Variants in IQCH observed in about 807,000 individuals in gnomAD.
The protein encoded by IQCH is IQ domain-containing protein H.
IQCH carries 98 observed loss-of-function variants against 117.0 expected under a neutral mutation model. That is an observed-to-expected ratio of 0.84 (90% CI 0.71 to 0.99). IQCH has a LOEUF of 0.99. Ranked by LOEUF, IQCH falls within the 50% of genes least tolerant of loss-of-function variation. IQCH has a pLI of 0.00. For missense variants in IQCH, 1,102 were observed against 1,243.8 expected (o/e 0.89, Z 1.72); for synonymous variants, 412 against 448.2 (o/e 0.92, Z 1.02).
intron 3 of IQCH, among the ~76,000 whole-genome samples, chr15:67,276,957 C>A (rs1477243650): frequency 6.6e-6 from 1 of 152,178 alleles, no homozygotes; most frequent in Non-Finnish European, 1.5e-5. Flanking sequence ...ATAAGTATGT[C>A]ACACTGTTTA....
chr15:67,277,389 A>G (rs565260073), intron 3 of IQCH, among the ~76,000 whole-genome samples: 2 of 152,242 alleles, frequency 1.3e-5, no homozygotes, highest in South Asian at 2.1e-4. Context: ...ATCGAAGCCT[A>G]GATACCATCA....
intron 1 of IQCH, chr15:67,255,343 A>C (rs1965113918): frequency 5.4e-6 from 1 of 183,808 alleles, no homozygotes; most frequent in African/African-American, 2.3e-5. Context: ...TTTGGAGACA[A>C]ATTGAAATAT....
intron 16 of IQCH, among the ~76,000 whole-genome samples, chr15:67,448,946 G>T (rs1421202046): frequency 3.9e-5 from 6 of 152,118 alleles, no homozygotes; most frequent in African/African-American, 1.4e-4. Flanking sequence ...TCTCATTGTG[G>T]TTTTCATTTG....
chr15:67,434,785 C>CT (rs775675138), intron 16 of IQCH, among the ~76,000 whole-genome samples: 2,258 of 126,794 alleles, frequency 0.018, 70 homozygotes, highest in African/African-American at 0.051. Context: ...CTTTTCTTTT[C>CT]TTTTTTTTTT....
chr15:67,361,704 T>C (rs923119123), intron 8 of IQCH, among the ~76,000 whole-genome samples: 1 of 152,228 alleles, frequency 6.6e-6, no homozygotes, highest in Non-Finnish European at 1.5e-5. Context: ...CTTTTCTATC[T>C]TATAGCTCAG....
At chr15:67,455,765 C>G (rs1596414694) in intron 16 of IQCH, among the ~76,000 whole-genome samples, 1 of 152,184 alleles carries the variant, frequency 6.6e-6, no homozygotes, top group Non-Finnish European at 1.5e-5. Context: ...CTAAGAGAAT[C>G]CTTCACCAGC....
At chr15:67,305,630 A>G (rs569668403) in intron 4 of IQCH, among the ~76,000 whole-genome samples, 14 of 152,218 alleles carry the variant, frequency 9.2e-5, no homozygotes, top group Non-Finnish European at 1.8e-4. Context: ...TTCCTCTTCC[A>G]TCTAGAATTA....
chr15:67,442,853 TAGATAG>T (rs1430670298), intron 16 of IQCH, among the ~76,000 whole-genome samples: 49 of 144,078 alleles, frequency 3.4e-4, no homozygotes, highest in African/African-American at 1.3e-3. Context: ...GATAGATAGA[TAGATAG>T]ATAGATATAC....
chr15:67,372,481 A>C lies in IQCH; in HGVS notation c.1124A>C (p.Lys375Thr), dbSNP rs557688548. Reference sequence around the variant, plus strand: ...GATGGAAATTCGGAGGCCGCCATGAAGATCCAAGCCACATGGAAATGCTAC... The same window carrying C: ...GATGGAAATTCGGAGGCCGCCATGACGATCCAAGCCACATGGAAATGCTAC... ...GQDGNSEAAM[K>T]IQATWKCYKA... Residue 375 changes from lysine to threonine, a missense_variant, in exon 9 of 21, where the codon AAG becomes ACG. Lys to Thr is a moderately conservative substitution (Grantham distance 78, BLOSUM62 -1). Transcript: ENST00000335894. The C allele has an allele frequency of 1.2e-6, 2 of 1,614,072 alleles. No individual in the cohort carries two copies. Among genetic ancestry groups the C allele is most frequent in the East Asian group, 2.2e-5 (1 of 44,870 alleles).
chr15:67,256,532 C>A (rs575353821), intron 1 of IQCH, among the ~76,000 whole-genome samples: 1 of 152,222 alleles, frequency 6.6e-6, no homozygotes, highest in African/African-American at 2.4e-5. Context: ...GACAAAGACA[C>A]TTCTATCAGG....
intron 16 of IQCH, among the ~76,000 whole-genome samples, chr15:67,437,279 A>G (rs2082161951): frequency 6.6e-6 from 1 of 152,192 alleles, no homozygotes; most frequent in Non-Finnish European, 1.5e-5. Context: ...GGTAGACTTG[A>G]TGGGTGGCTA....
intron 8 of IQCH, among the ~76,000 whole-genome samples, chr15:67,362,318 A>T (rs1368974040): frequency 1.3e-5 from 2 of 152,180 alleles, no homozygotes; most frequent in Non-Finnish European, 2.9e-5. Context: ...CAAATTGAAG[A>T]AAAATATAAA....
In IQCH at chr15:67,373,348, T is replaced by C; in HGVS notation, c.1306-19T>C. The C allele has an allele frequency of 6.3e-7, 1 of 1,590,130 alleles. No homozygotes were observed. ...ACTACAGCTTCCTGTCACTGATCAA[T>C]GCTCTTCTTGATTTTTAGCATCTGG... On this transcript the variant is annotated intron_variant, in intron 9 of 20. Coordinates refer to ENST00000335894, the MANE Select transcript of IQCH (RefSeq NM_001031715.3).
At position 67,413,766 on chromosome 15, in the gene IQCH, C is replaced by T. The variant is rs375244972; in HGVS notation, c.2098-3165C>T. 1.3e-3 allele frequency among the ~76,000 whole-genome samples: 197 copies of T among 152,272 alleles called. No homozygotes were observed. Among genetic ancestry groups the T allele is most frequent in the South Asian group, 4.2e-3 (20 of 4,816 alleles). Reference sequence around the variant, plus strand: ...CCCCAGCATCCCTACTGAATGTCACCCCGCCAGTGCCTTCAGCTGTGTACC... The same window carrying T: ...CCCCAGCATCCCTACTGAATGTCACTCCGCCAGTGCCTTCAGCTGTGTACC... On this transcript the variant is annotated intron_variant, in intron 14 of 20. Transcript: ENST00000335894. This position sits in a 1 kb window ranked among gnomAD's most constrained non-coding sequence, Gnocchi z 5.0.
intron 15 of IQCH, among the ~76,000 whole-genome samples, chr15:67,420,224 A>ATTTATAGACATTTAAGGAAAGTGC (rs1239419118): frequency 3.3e-5 from 5 of 152,212 alleles, no homozygotes; most frequent in African/African-American, 1.2e-4. Context: ...CTCTGACCAA[A>ATTTATAGACATTTAAGGAAAGTGC]TTTATAGACA....
chr15:67,359,759 G>A lies in IQCH; in HGVS notation c.715-88G>A, dbSNP rs3743349. 8.0e-6 allele frequency: 9 copies of A among 1,130,984 alleles called. No homozygotes were observed. Among genetic ancestry groups the A allele is most frequent in the African/African-American group, 4.6e-5 (3 of 65,372 alleles). 70.1% of individuals were successfully genotyped at this position (1,130,984 alleles called of 1,614,324 possible). On this transcript the variant is annotated intron_variant, in intron 7 of 20. Transcript: ENST00000335894. This position sits in a 1 kb window ranked among gnomAD's most constrained non-coding sequence, Gnocchi z 4.5. Reference sequence around the variant, plus strand: ...TGGCCCAGCGGGTAAAATGGGGAAGGGGGTGAGGCTCTGAGCCTTCTATTT... The same window carrying A: ...TGGCCCAGCGGGTAAAATGGGGAAGAGGGTGAGGCTCTGAGCCTTCTATTT...
rs547074187 is a variant in IQCH at position 67,432,622 on chromosome 15, G to T, written c.2505+11045G>T. ...AAACTGTCACAGGAGCCCTCAGCAG[G>T]TGCTCAAACTGTGAGTTGAATCAGA... On this transcript the variant is annotated intron_variant, in intron 16 of 20. Transcript: ENST00000335894. The surrounding 1 kb of genome is among the most constrained non-coding windows in gnomAD (Gnocchi z 5.0). 1.4e-4 allele frequency among the ~76,000 whole-genome samples: 22 copies of T among 152,112 alleles called. No homozygotes were observed. The highest frequency in any genetic ancestry group is 2.6e-4 in the Non-Finnish European group (18 of 68,010).
At chr15:67,363,860 T>C (rs887835548) in intron 8 of IQCH, among the ~76,000 whole-genome samples, 13 of 152,240 alleles carry the variant, frequency 8.5e-5, no homozygotes, top group African/African-American at 3.1e-4. Context: ...TCCAGCTCTA[T>C]CCATGTTGCT....
In IQCH at chr15:67,277,824, C is replaced by T. The variant is rs190161091; in HGVS notation, c.270-1571C>T. Among the ~76,000 whole-genome samples, 289 of 152,256 alleles carry T rather than the reference C, an allele frequency of 1.9e-3. 1 individual carries two copies. The highest frequency in any genetic ancestry group is 5.2e-3 in the Admixed American group (80 of 15,294). On this transcript the variant is annotated intron_variant, in intron 3 of 20. Coordinates refer to ENST00000335894, the MANE Select transcript of IQCH (RefSeq NM_001031715.3). ...CTGGGATTACAGGCTTGAGCCACCG[C>T]GCCTGGCCCAGTATCTTTGTTTTTA...
Sources: gnomAD v4.1 joint callset for allele counts (sites outside exome capture counted in the v4.1 genomes callset) on GRCh38, gnomAD v4.1.1 for gene constraint, Gnocchi (gnomAD v3.1) non-coding constraint, MANE v1.5 for transcripts, NCBI Gene and HGNC (gene_info 2026-07-23, HGNC 2026-07-21) for gene names.